Variants in KANK1 observed in about 807,000 individuals in gnomAD.
KANK1 encodes the protein KN motif and ankyrin repeat domains 1.
Under a neutral mutation model 106.2 loss-of-function variants are expected in KANK1, and 109 were observed. That is an observed-to-expected ratio of 1.03 (90% CI 0.88 to 1.20). The LOEUF (loss-of-function observed/expected upper bound fraction) is 1.20, where lower values mean the gene tolerates loss of function less well. Ranked by LOEUF, KANK1 falls within the 50% of genes most tolerant of loss-of-function variation. The pLI is 0.00. For missense variants in KANK1, 2,399 were observed against 1,710.7 expected (o/e 1.40, Z -7.10); for synonymous variants, 873 against 652.2 (o/e 1.34, Z -5.16).
intron 1 of KANK1, among the ~76,000 whole-genome samples, chr9:614,489 C>T (rs982702161): frequency 6.6e-6 from 1 of 152,144 alleles, no homozygotes; most frequent in Non-Finnish European, 1.5e-5. Context: ...TCTTGGCTGA[C>T]ACTGATCTTG....
At chr9:686,882 T>C in intron 2 of KANK1, 1 of 985,272 alleles carries the variant, frequency 1.0e-6, no homozygotes, top group Non-Finnish European at 1.2e-6. Context: ...GGACACTGAT[T>C]GTAAATGAAG....
intron 1 of KANK1, among the ~76,000 whole-genome samples, chr9:532,237 CTTTTTT>C (rs34351693): frequency 1.9e-5 from 2 of 107,768 alleles, no homozygotes; most frequent in Admixed American, 9.7e-5. Context: ...GAGCATTTGT[CTTTTTT>C]TTTTTTTTTT....
chr9:597,173 G>GGCT (rs1462982373), intron 1 of KANK1, among the ~76,000 whole-genome samples: 1 of 151,776 alleles, frequency 6.6e-6, no homozygotes, highest in Non-Finnish European at 1.5e-5. Flanking sequence ...TTATGAATAA[G>GGCT]GCTGCTATGA....
intron 2 of KANK1, among the ~76,000 whole-genome samples, chr9:689,871 A>G (rs1182519214): frequency 6.6e-6 from 1 of 152,136 alleles, no homozygotes; most frequent in Non-Finnish European, 1.5e-5. Context: ...TTCTAAGGCA[A>G]ATACTCATAG....
intron 1 of KANK1, among the ~76,000 whole-genome samples, chr9:575,893 T>A (rs1350237045): frequency 6.6e-6 from 1 of 152,104 alleles, no homozygotes; most frequent in Non-Finnish European, 1.5e-5. Flanking sequence ...TGTAGTGGTG[T>A]ATGCCTATAA....
intron 1 of KANK1, among the ~76,000 whole-genome samples, chr9:606,028 A>C (rs957396847): frequency 6.6e-6 from 1 of 151,440 alleles, no homozygotes; most frequent in South Asian, 2.1e-4. Flanking sequence ...GGGTTTTACT[A>C]TTCAGTCAGT....
intron 8 of KANK1, 95 bp from the exon 9 acceptor site, chr9:740,697 G>A (rs1349522667): frequency 7.6e-7 from 1 of 1,321,382 alleles, no homozygotes; most frequent in African/African-American, 1.5e-5. Context: ...CATTTCACTG[G>A]GCTCCTGTAA....
intron 1 of KANK1, among the ~76,000 whole-genome samples, chr9:546,017 G>C (rs1262847049): frequency 2.6e-5 from 4 of 152,106 alleles, no homozygotes; most frequent in Non-Finnish European, 4.4e-5. Context: ...AAAGTGCTGG[G>C]ATTACAGGTG....
At chr9:538,411 A>C (rs541885428) in intron 1 of KANK1, among the ~76,000 whole-genome samples, 1 of 152,234 alleles carries the variant, frequency 6.6e-6, no homozygotes, top group African/African-American at 2.4e-5. Context: ...TCCAGGAAGA[A>C]GAGGGAAAGA....
chr9:650,561 T>G (rs1302611208), intron 1 of KANK1, among the ~76,000 whole-genome samples: 2 of 152,196 alleles, frequency 1.3e-5, no homozygotes, highest in African/African-American at 2.4e-5. Flanking sequence ...AGTAGCAGGT[T>G]GTCAGGAAGT....
At chr9:559,115 CT>C (rs1395315685) in intron 1 of KANK1, among the ~76,000 whole-genome samples, 1 of 151,988 alleles carries the variant, frequency 6.6e-6, no homozygotes, top group African/African-American at 2.4e-5. Flanking sequence ...TTAAATGAGC[CT>C]TTTTGGGGGA....
intron 1 of KANK1, among the ~76,000 whole-genome samples, chr9:604,637 G>T (rs1828629366): frequency 1.3e-5 from 2 of 151,712 alleles, no homozygotes. Context: ...TTCAAGACCA[G>T]TCTGGCCAAC....
At chr9:690,091 C>G (rs1819509568) in intron 2 of KANK1, among the ~76,000 whole-genome samples, 1 of 136,448 alleles carries the variant, frequency 7.3e-6, no homozygotes, top group Admixed American at 8.3e-5. Context: ...AGTTTGAGAC[C>G]AGGCTGGCCA....
At chr9:488,907 T>C (rs1018466267) in intron 3 of KANK1, 12 of 130,510 alleles carry the variant, frequency 9.2e-5, no homozygotes, top group Non-Finnish European at 1.1e-4. Flanking sequence ...AGTGGAGAGA[T>C]AGTTAAAAAA....
Position 713,051 on chromosome 9 carries a change from G to A in KANK1, c.2285G>A (p.Gly762Glu). 1.2e-6 allele frequency: 2 copies of A among 1,614,182 alleles called. No individual in the cohort carries two copies. Among genetic ancestry groups the A allele is most frequent in the Non-Finnish European group, 1.7e-6 (2 of 1,180,018 alleles). ...GTGAAGACCAAAGAGTCAGGTGTGGGGCAGATAAATATTAACGACAACTAT... is the reference window on the plus strand; with the variant it reads ...GTGAAGACCAAAGAGTCAGGTGTGGAGCAGATAAATATTAACGACAACTAT... ...SAVKTKESGVGQININDNYLV... is the reference protein window; with the variant it reads ...SAVKTKESGVEQININDNYLV... Residue 762 changes from glycine to glutamate, a missense_variant, in exon 3 of 12, where the codon GGG becomes GAG. By Grantham distance (98) the Gly-to-Glu change is moderately conservative (BLOSUM62 -2). Transcript: ENST00000382297.
At chr9:503,001 ATTTTTTTTTTTTTTTTTT>A, upstream of KANK1, among the ~76,000 whole-genome samples, 1 of 70,232 alleles carries the variant, frequency 1.4e-5, no homozygotes, top group Admixed American at 2.0e-4. Flanking sequence ...CGCCCAGCTG[ATTTTTTTTTTTTTTTTTT>A]TTTTTTTTTG....
intron 1 of KANK1, among the ~76,000 whole-genome samples, chr9:519,997 A>C (rs892935187): frequency 5.3e-5 from 8 of 151,814 alleles, no homozygotes; most frequent in South Asian, 2.1e-4. Context: ...TTCTAGACTT[A>C]ATGAGCCACT....
At chr9:729,580 G>A (rs1490164917) in intron 3 of KANK1, among the ~76,000 whole-genome samples, 2 of 152,222 alleles carry the variant, frequency 1.3e-5, no homozygotes. Flanking sequence ...AAATGAAGTT[G>A]CGGGGGTCAG....
intron 1 of KANK1, among the ~76,000 whole-genome samples, chr9:531,142 G>A (rs1019049239): frequency 2.0e-5 from 3 of 151,874 alleles, no homozygotes; most frequent in Non-Finnish European, 4.4e-5. Context: ...AAACAATAGT[G>A]AGAAGTACTT....
Sources: gnomAD v4.1 joint callset for allele counts (sites outside exome capture counted in the v4.1 genomes callset) on GRCh38, gnomAD v4.1.1 for gene constraint, MANE v1.5 for transcripts, NCBI Gene and HGNC (gene_info 2026-07-23, HGNC 2026-07-21) for gene names.